The following MRC2 variants were observed in gnomAD, a reference collection of about 807,000 sequenced individuals.
The protein encoded by MRC2 is mannose receptor C-type 2.
MRC2 carries 84 observed loss-of-function variants against 206.2 expected under a neutral mutation model. That is an observed-to-expected ratio of 0.41 (90% CI 0.34 to 0.49). The LOEUF is 0.49. MRC2 is among the 20% of genes least tolerant of loss of function. The pLI, the probability that MRC2 is intolerant of heterozygous loss-of-function variation, is 0.31. For missense variants in MRC2, 1,676 were observed against 2,001.5 expected, an observed-to-expected ratio of 0.84 and a Z score of 3.10; for synonymous variants, 798 against 800.0, an observed-to-expected ratio of 1.00 and a Z score of 0.04.
At chr17:62,637,714 A>G (rs755379508) in intron 1 of MRC2, among the ~76,000 whole-genome samples, 1 of 151,776 alleles carries the variant, frequency 6.6e-6, no homozygotes, top group South Asian at 2.1e-4. Flanking sequence ...CTGAGTCCCA[A>G]CTCACACCTG....
chr17:62,663,176 T>C (rs1598981352), intron 1 of MRC2, among the ~76,000 whole-genome samples: 1 of 151,874 alleles, frequency 6.6e-6, no homozygotes, highest in Non-Finnish European at 1.5e-5. Flanking sequence ...ACTCTGTCTG[T>C]CTTTTCTTAC....
chr17:62,669,104 AC>A (rs2088793596), intron 6 of MRC2, among the ~76,000 whole-genome samples: 1 of 151,918 alleles, frequency 6.6e-6, no homozygotes. Flanking sequence ...ACACACACAC[AC>A]ACACACACAC....
chr17:62,688,872 G>A lies in MRC2; in HGVS notation c.3246G>A (p.Leu1082=). 1 of 1,612,442 alleles carries A rather than the reference G, an allele frequency of 6.2e-7. No individual in the cohort carries two copies. The highest frequency in any genetic ancestry group is 8.5e-7 in the Non-Finnish European group (1 of 1,179,740). ...CCCAGACCAGCTGTGCAGTGGTCCTGCACAGCCCCTCAGCCCACTTCACTG... is the reference window on the plus strand; with the variant it reads ...CCCAGACCAGCTGTGCAGTGGTCCTACACAGCCCCTCAGCCCACTTCACTG... ...GNKPTSCAVV[L]HSPSAHFTGR... Residue 1082 remains leucine (L), a synonymous_variant, in exon 23 of 30, where the codon CTG becomes CTA. Transcript: ENST00000303375.
intron 1 of MRC2, among the ~76,000 whole-genome samples, chr17:62,637,121 G>C (rs1024829839): frequency 6.6e-6 from 1 of 152,188 alleles, no homozygotes; most frequent in Non-Finnish European, 1.5e-5. Flanking sequence ...CCAGCACTTT[G>C]GGAGGCCGAG....
At position 62,666,002 on chromosome 17, in the gene MRC2, T is replaced by C. The variant is rs1166559576; in HGVS notation, c.521-92T>C. 2.2e-6 allele frequency: 3 copies of C among 1,366,640 alleles called. No individual in the cohort carries two copies. In the East Asian group the frequency reaches 7.6e-5, roughly 34 times the overall value. The allele number at this position is 1,366,640 out of a possible 1,614,324, so 84.7% of individuals were successfully genotyped here. A position where few individuals can be genotyped will look rare whatever the true frequency, so the allele number is the denominator to read the frequency against. On this transcript the variant is annotated intron_variant, in intron 2 of 29. Transcript: ENST00000303375. The surrounding 1 kb of genome is among the most constrained non-coding windows in gnomAD (Gnocchi z 5.0). Reference sequence around the variant, plus strand: ...TGATCCCTGTGAACACCCAGCACTCTGGGTTTTAGGGGATTTCTCCTGAGG... The same window carrying C: ...TGATCCCTGTGAACACCCAGCACTCCGGGTTTTAGGGGATTTCTCCTGAGG...
In MRC2 at chr17:62,689,895, G is replaced by A. The variant is rs946785598; in HGVS notation, c.3575G>A (p.Gly1192Asp). 1.9e-6 allele frequency: 3 copies of A among 1,589,328 alleles called. No individual in the cohort carries two copies. The highest frequency in any genetic ancestry group is 2.6e-6 in the Non-Finnish European group (3 of 1,168,968). The change falls in exon 25 of 30, where the codon GGC (glycine) becomes GAC (aspartate). Residue 1192 changes from glycine (G) to aspartate (D), a missense_variant and splice_region_variant. Physicochemically the swap from Gly to Asp is moderately conservative, Grantham distance 94. Coordinates refer to ENST00000303375, the MANE Select transcript of MRC2 (RefSeq NM_006039.5). ...PLWIGLAGEEGSRRYSWVSEE... is the reference protein window; with the variant it reads ...PLWIGLAGEEDSRRYSWVSEE... ...CACCCCATGGCCCCCCATGCCCAGG[G>A]CTCTCGGCGGTACTCCTGGGTCTCA...
At chr17:62,651,927 A>G (rs1280197083) in intron 1 of MRC2, among the ~76,000 whole-genome samples, 1 of 152,224 alleles carries the variant, frequency 6.6e-6, no homozygotes, top group East Asian at 1.9e-4. Context: ...CTGGTTGAAT[A>G]CATTTTGCTA....
At chr17:62,650,614 A>G (rs958262148) in intron 1 of MRC2, among the ~76,000 whole-genome samples, 1 of 152,152 alleles carries the variant, frequency 6.6e-6, no homozygotes, top group East Asian at 1.9e-4. Flanking sequence ...GTTATTTAAT[A>G]CCTCAGTTTC....
Position 62,666,891 on chromosome 17 carries a change from C to T in MRC2, c.973+21C>T, listed in dbSNP as rs769956257. On this transcript the variant is annotated intron_variant, in intron 5 of 29. Transcript: ENST00000303375. The surrounding 1 kb of genome is among the most constrained non-coding windows in gnomAD (Gnocchi z 5.0). ...GAGTGGTGAGGCACAAGGTTGGGGG[C>T]GCAGGGCAGCATAGGGGCCCCGCGG... 4.4e-6 allele frequency: 7 copies of T among 1,604,722 alleles called. No individual in the cohort carries two copies. The South Asian group carries it at 6.6e-5, about 15-fold the overall frequency.
chr17:62,680,242 G>A lies in MRC2; in HGVS notation c.2371G>A (p.Ala791Thr). The change falls in exon 15 of 30, where the codon GCC becomes ACC. Residue 791 changes from alanine (A) to threonine (T), a missense_variant. By Grantham distance (58) the Ala-to-Thr change is moderately conservative. Around this residue, in one of 3 missense-constraint regions of MRC2, gnomAD observed 1,354 missense variants for 1,636.6 expected, o/e 0.83. Transcript: ENST00000303375. This position sits in a 1 kb window ranked among gnomAD's most constrained non-coding sequence, Gnocchi z 4.8. ...DIRGCAVLDL[A>T]SLQWVAMQCD... ...CCGAGGCTGTGCGGTGCTGGACCTG[G>A]CCTCCCTGCAGTGGGTGGCCATGCA... is the stretch of plus-strand genomic sequence containing the variant. 6.2e-7 allele frequency: 1 copy of A among 1,614,126 alleles called. No homozygotes were observed.
At chr17:62,690,506 A>G (rs1216502291) in intron 26 of MRC2, 136 bp from the exon 27 acceptor site, 4 of 1,232,614 alleles carry the variant, frequency 3.2e-6, no homozygotes, top group East Asian at 5.0e-5. Flanking sequence ...GCACATGTGC[A>G]CACACACACA....
chr17:62,664,427 T>A lies in MRC2; in HGVS notation c.119-121T>A. 1 of 1,126,618 alleles carries A rather than the reference T, an allele frequency of 8.9e-7. No homozygotes were observed. The highest frequency in any genetic ancestry group is 1.5e-5 in the South Asian group (1 of 67,372). 69.8% of individuals were successfully genotyped at this position (1,126,618 alleles called of 1,614,324 possible). Reference sequence around the variant, plus strand: ...GTAGTGAGTACCGAGTGATTTAACGTATGAGTGACGGCTCACCATCCTGCA... The same window carrying A: ...GTAGTGAGTACCGAGTGATTTAACGAATGAGTGACGGCTCACCATCCTGCA... On this transcript the variant is annotated intron_variant, in intron 1 of 29. Coordinates refer to ENST00000303375, the MANE Select transcript of MRC2 (RefSeq NM_006039.5). This position sits in a 1 kb window ranked among gnomAD's most constrained non-coding sequence, Gnocchi z 4.7.
Position 62,689,537 on chromosome 17 carries a change from C to A in MRC2, c.3350C>A (p.Pro1117Gln). The part of the protein sequence containing the change: ...CQKGTDPSLS[P>Q]SPAALPPAPG... ...TTCCCTGTAGACCCCTCCCTGAGCC[C>A]GTCCCCAGCAGCGCTGCCCCCCGCC... The change falls in exon 24 of 30, where the codon CCG (proline) becomes CAG (glutamine). Residue 1117 changes from proline to glutamine, a missense_variant. By Grantham distance (76) the Pro-to-Gln change is moderately conservative (BLOSUM62 -1). Around this residue, in one of 3 missense-constraint regions of MRC2, gnomAD observed 1,354 missense variants for 1,636.6 expected, o/e 0.83. Coordinates refer to ENST00000303375, the MANE Select transcript of MRC2 (RefSeq NM_006039.5). 1 of 1,580,366 alleles carries A rather than the reference C, an allele frequency of 6.3e-7. No individual in the cohort carries two copies. The highest frequency in any genetic ancestry group is 8.6e-7 in the Non-Finnish European group (1 of 1,162,056).
intron 1 of MRC2, among the ~76,000 whole-genome samples, chr17:62,661,287 A>ATT (rs2088676276): frequency 2.0e-5 from 3 of 152,176 alleles, no homozygotes; most frequent in Admixed American, 1.3e-4. Flanking sequence ...AAGCAGGAGG[A>ATT]AGACTTACCT....
chr17:62,689,008 G>T, intron 23 of MRC2, 48 bp downstream of exon 23: 1 of 1,462,534 alleles, frequency 6.8e-7, no homozygotes, highest in Non-Finnish European at 9.5e-7. Context: ...CCCTGGCACC[G>T]GGCTGGATGC....
intron 1 of MRC2, among the ~76,000 whole-genome samples, chr17:62,635,191 C>CTCT (rs2088297963): frequency 9.8e-6 from 1 of 101,764 alleles, no homozygotes; most frequent in African/African-American, 3.8e-5. Context: ...CTATTTTTCT[C>CTCT]TTTTTTTTTT....
chr17:62,677,438 C>A lies in MRC2; in HGVS notation c.2004C>A (p.Ser668=). 6.2e-7 allele frequency: 1 copy of A among 1,611,606 alleles called. No homozygotes were observed. Reference sequence around the variant, plus strand: ...ATCCCACGCCCAGCCTCACTGGCTCCTGTCCCCAGGGCTGGGCCTCGGACA... The same window carrying A: ...ATCCCACGCCCAGCCTCACTGGCTCATGTCCCCAGGGCTGGGCCTCGGACA... ...GPDPTPSLTG[S]CPQGWASDTK... is the part of the protein sequence containing the mutation. The change falls in exon 12 of 30, where the codon TCC becomes TCA. Residue 668 remains serine (S), a synonymous_variant. Coordinates refer to ENST00000303375, the MANE Select transcript of MRC2 (RefSeq NM_006039.5).
chr17:62,671,963 G>A lies in MRC2; in HGVS notation c.1307-35G>A, dbSNP rs753515697. ...TGGTGGCTGAGGCTGACCTCTCAAT[G>A]TTTTCTCTCCCCTCCTCTCCTGCTG... On this transcript the variant is annotated intron_variant, in intron 7 of 29. Coordinates refer to ENST00000303375, the MANE Select transcript of MRC2 (RefSeq NM_006039.5). The surrounding 1 kb of genome is among the most constrained non-coding windows in gnomAD (Gnocchi z 4.5). 1.2e-6 allele frequency: 2 copies of A among 1,613,810 alleles called. No homozygotes were observed. Among genetic ancestry groups the A allele is most frequent in the Non-Finnish European group, 8.5e-7 (1 of 1,179,826 alleles).
rs1598987060 is a variant in MRC2 at position 62,671,551 on chromosome 17, T to G, written c.1118-98T>G. The G allele has an allele frequency of 1.8e-6, 2 of 1,111,146 alleles. No individual in the cohort carries two copies. Among genetic ancestry groups the G allele is most frequent in the South Asian group, 1.9e-5 (1 of 53,676 alleles). The allele number at this position is 1,111,146 out of a possible 1,614,324, so 68.8% of individuals were successfully genotyped here. A position where few individuals can be genotyped will look rare whatever the true frequency, so the allele number is the denominator to read the frequency against. ...GATCTGGGAGAGTTTGGAGAGGAGG[T>G]GACTGGGAGGCCTCGCCTGTGTTGA... On this transcript the variant is annotated intron_variant, in intron 6 of 29. Coordinates refer to ENST00000303375, the MANE Select transcript of MRC2 (RefSeq NM_006039.5). The surrounding 1 kb of genome is among the most constrained non-coding windows in gnomAD (Gnocchi z 4.5).
Sources: gnomAD v4.1 joint callset for allele counts (sites outside exome capture counted in the v4.1 genomes callset) on GRCh38, gnomAD v4.1.1 for gene constraint, gnomAD v4.1.1 regional missense constraint, Gnocchi (gnomAD v3.1) non-coding constraint, MANE v1.5 for transcripts, NCBI Gene and HGNC (gene_info 2026-07-23, HGNC 2026-07-21) for gene names.